Variants in ZNF704 observed in about 807,000 individuals in gnomAD.
The protein encoded by ZNF704 is glucocorticoid induced gene 1.
ZNF704 carries 10 observed loss-of-function variants against 44.7 expected under a neutral mutation model. That is an observed-to-expected ratio of 0.22 (90% CI 0.14 to 0.38). ZNF704 has a LOEUF of 0.38. Among genes scored for constraint, ZNF704 ranks in the 10% least tolerant of loss-of-function variants. The pLI is 1.00. For missense variants in ZNF704, 390 were observed against 545.5 expected (o/e 0.71, Z 2.84); for synonymous variants, 211 against 207.6 (o/e 1.02, Z -0.14).
intron 1 of ZNF704, among the ~76,000 whole-genome samples, chr8:80,830,706 A>G (rs1223584913): frequency 6.6e-6 from 1 of 151,270 alleles, no homozygotes; most frequent in Admixed American, 6.6e-5. Context: ...GTAACTAAGG[A>G]AGGAGGGAAA....
intron 2 of ZNF704, among the ~76,000 whole-genome samples, chr8:80,698,827 T>C (rs748686043): frequency 1.3e-5 from 2 of 152,200 alleles, no homozygotes; most frequent in Non-Finnish European, 2.9e-5. Flanking sequence ...CTATGGCCTG[T>C]GCTTACAAAC....
intron 6 of ZNF704, among the ~76,000 whole-genome samples, chr8:80,664,136 C>T (rs180881142): frequency 1.3e-5 from 2 of 151,416 alleles, no homozygotes; most frequent in African/African-American, 4.9e-5. Context: ...CTCGCTCTGT[C>T]GCCAGGCTGG....
In ZNF704 at chr8:80,874,055, G is replaced by A. The variant is rs1240842271; in HGVS notation, c.-22+516C>T. Among the ~76,000 whole-genome samples the A allele has an allele frequency of 1.0e-4, 15 of 147,026 alleles. No individual in the cohort carries two copies. In the East Asian group the frequency reaches 3.0e-3, roughly 29 times the overall value. ...ACGCCGCGCCTGCATGCCTGAGCGC[G>A]GGGTTGCGGGCCGCGGCGCGGGGCC... On this transcript the variant is annotated intron_variant, in intron 1 of 8. Coordinates refer to ENST00000327835, the MANE Select transcript of ZNF704 (RefSeq NM_001033723.3). The surrounding 1 kb of genome is among the most constrained non-coding windows in gnomAD (Gnocchi z 4.4).
chr8:80,803,952 A>G (rs140879976), intron 2 of ZNF704, among the ~76,000 whole-genome samples: 1 of 152,324 alleles, frequency 6.6e-6, no homozygotes, highest in African/African-American at 2.4e-5. Flanking sequence ...AAGGTCTAAT[A>G]TCCAGTTTAC....
At chr8:80,674,288 A>G (rs1204457115) in intron 4 of ZNF704, among the ~76,000 whole-genome samples, 1 of 152,236 alleles carries the variant, frequency 6.6e-6, no homozygotes, top group Non-Finnish European at 1.5e-5. Flanking sequence ...AGAATTCAAA[A>G]TACTATTTTA....
At chr8:80,871,404 T>C (rs1386354779) in intron 1 of ZNF704, among the ~76,000 whole-genome samples, 1 of 152,210 alleles carries the variant, frequency 6.6e-6, no homozygotes, top group Non-Finnish European at 1.5e-5. Flanking sequence ...TGGAAAGCTC[T>C]TCCCATGCGA....
intron 1 of ZNF704, among the ~76,000 whole-genome samples, chr8:80,844,766 C>T (rs914202354): frequency 3.9e-5 from 6 of 152,062 alleles, no homozygotes; most frequent in Non-Finnish European, 8.8e-5. Flanking sequence ...TATGTAGAGA[C>T]AATCAAAAGT....
chr8:80,869,841 G>T (rs992059294), intron 1 of ZNF704, among the ~76,000 whole-genome samples: 4 of 152,146 alleles, frequency 2.6e-5, no homozygotes, highest in African/African-American at 9.7e-5. Context: ...GATTCTCCTT[G>T]CTGGCTTGAT....
intron 1 of ZNF704, among the ~76,000 whole-genome samples, chr8:80,865,416 G>A (rs1402535386): frequency 7.9e-5 from 12 of 152,188 alleles, no homozygotes; most frequent in Admixed American, 7.9e-4. Context: ...AGAAGTAACA[G>A]TTGGGTGGGG....
the ZNF704 span, among the ~76,000 whole-genome samples, chr8:80,880,772 G>A: frequency 6.6e-5 from 10 of 152,142 alleles, no homozygotes; most frequent in Non-Finnish European, 1.0e-4. Context: ...CAAAAAACTT[G>A]TAGACTTTTT....
chr8:80,653,026 AT>A (rs1242179139), intron 7 of ZNF704, among the ~76,000 whole-genome samples: 1 of 152,158 alleles, frequency 6.6e-6, no homozygotes, highest in Non-Finnish European at 1.5e-5. Context: ...ACACAAATCA[AT>A]AAACGTAATC....
rs1808919929 is a variant in ZNF704 at position 80,854,199 on chromosome 8, T to C, written c.-22+20372A>G. Among the ~76,000 whole-genome samples the C allele has an allele frequency of 2.0e-5, 3 of 152,320 alleles. No homozygotes were observed. In the South Asian group the frequency reaches 6.2e-4, roughly 32 times the overall value. On this transcript the variant is annotated intron_variant, in intron 1 of 8. Transcript: ENST00000327835. ...AAAAACACAAGACATAATCAATGCTTTGCTGTCATGATGTCCAAGGATAAA... is the reference window on the plus strand; with the variant it reads ...AAAAACACAAGACATAATCAATGCTCTGCTGTCATGATGTCCAAGGATAAA...
intron 2 of ZNF704, among the ~76,000 whole-genome samples, chr8:80,702,463 G>A (rs987489321): frequency 3.9e-5 from 6 of 152,216 alleles, no homozygotes; most frequent in Non-Finnish European, 5.9e-5. Context: ...TGTGCCAGAA[G>A]CCTGGGGTGG....
chr8:80,715,243 A>T (rs143606927), intron 2 of ZNF704, among the ~76,000 whole-genome samples: 1 of 152,352 alleles, frequency 6.6e-6, no homozygotes, highest in East Asian at 1.9e-4. Context: ...TGTGAATTAA[A>T]TTATTGCCCT....
intron 2 of ZNF704, chr8:80,749,724 G>C (rs1371825718): frequency 6.5e-6 from 1 of 152,926 alleles, no homozygotes. Flanking sequence ...AATGCATAGA[G>C]AAAAACCCAG....
intron 2 of ZNF704, among the ~76,000 whole-genome samples, chr8:80,707,786 C>G (rs1446913060): frequency 6.6e-6 from 1 of 151,936 alleles, no homozygotes; most frequent in Non-Finnish European, 1.5e-5. Flanking sequence ...AGTTTTATTT[C>G]TGGAGCTGGC....
At chr8:80,855,178 A>G (rs1291359111) in intron 1 of ZNF704, among the ~76,000 whole-genome samples, 1 of 152,242 alleles carries the variant, frequency 6.6e-6, no homozygotes, top group Non-Finnish European at 1.5e-5. Flanking sequence ...TAAGCACTAC[A>G]TGGATACAAT....
chr8:80,749,950 T>TCTCC (rs1366262693), intron 2 of ZNF704, among the ~76,000 whole-genome samples: 24 of 152,196 alleles, frequency 1.6e-4, no homozygotes, highest in Non-Finnish European at 4.4e-5. Flanking sequence ...GGTGCGTGAA[T>TCTCC]CTCCCCTCAC....
chr8:80,688,627 G>A (rs1406307429), intron 3 of ZNF704, among the ~76,000 whole-genome samples: 1 of 152,150 alleles, frequency 6.6e-6, no homozygotes, highest in East Asian at 1.9e-4. Flanking sequence ...TGGCAAAGCT[G>A]GGATAGGATA....
Sources: gnomAD v4.1 joint callset for allele counts (sites outside exome capture counted in the v4.1 genomes callset) on GRCh38, gnomAD v4.1.1 for gene constraint, Gnocchi (gnomAD v3.1) non-coding constraint, MANE v1.5 for transcripts, NCBI Gene and HGNC (gene_info 2026-07-23, HGNC 2026-07-21) for gene names.